PSMA3: variants seen among roughly 807,000 people sequenced by gnomAD.
The protein encoded by PSMA3 is proteasome subunit alpha type-3.
A neutral mutation model predicts 40.0 loss-of-function variants in PSMA3; 8 were observed. The ratio of observed to expected loss-of-function variants is 0.20; its 90% CI spans 0.12 to 0.36. PSMA3 has a LOEUF of 0.36. PSMA3 is among the 10% of genes least tolerant of loss of function. The pLI, the probability that PSMA3 is intolerant of heterozygous loss-of-function variation, is 1.00. For synonymous variants in PSMA3, 110 were observed against 100.0 expected, an observed-to-expected ratio of 1.10 and a Z score of -0.59; for missense variants, 219 against 310.6, an observed-to-expected ratio of 0.70 and a Z score of 2.22.
At chr14:58,248,192 C>CAA (rs1444811782) in intron 2 of PSMA3, among the ~76,000 whole-genome samples, 2 of 152,112 alleles carry the variant, frequency 1.3e-5, no homozygotes, top group Non-Finnish European at 2.9e-5. Flanking sequence ...ATGTCTTATG[C>CAA]AATTAGTCAC....
At chr14:58,250,220 CAAAA>C (rs10634649) in intron 2 of PSMA3, among the ~76,000 whole-genome samples, 5 of 93,046 alleles carry the variant, frequency 5.4e-5, no homozygotes, top group South Asian at 3.9e-4. Flanking sequence ...ACTCCATCTC[CAAAA>C]AAAAAAAAAA....
At chr14:58,262,598 A>T (rs2145599) in intron 6 of PSMA3, among the ~76,000 whole-genome samples, 109,453 of 150,590 alleles carry the variant, frequency 0.73, 40,271 homozygotes, top group Middle Eastern at 0.87. Context: ...AGTCTTGCTC[A>T]GTTGCCCAGG....
At chr14:58,252,823 A>AG (rs1555352184) in intron 3 of PSMA3, among the ~76,000 whole-genome samples, 2 of 150,356 alleles carry the variant, frequency 1.3e-5, no homozygotes, top group Admixed American at 6.6e-5. Context: ...TACTGAAAGA[A>AG]AAAAAAAAAA....
intron 7 of PSMA3, 25 bp from the exon 8 acceptor site, chr14:58,267,449 A>G: frequency 6.6e-7 from 1 of 1,518,564 alleles, no homozygotes; most frequent in Non-Finnish European, 8.8e-7. Flanking sequence ...CTTCTGATGA[A>G]CAGTATACAT....
rs1478240477 is a variant in PSMA3, at chr14:58,271,916, G to A, written c.*21G>A. 1 of 1,539,650 alleles carries A rather than the reference G, an allele frequency of 6.5e-7. No individual in the cohort carries two copies. ...TGTAACATTTACTCCAGCATCTATTGTATTTTAAATTTCTACTCCAGTCCA... is the reference window on the plus strand; with the variant it reads ...TGTAACATTTACTCCAGCATCTATTATATTTTAAATTTCTACTCCAGTCCA... On this transcript the variant is annotated 3_prime_UTR_variant, in exon 11 of 11. Transcript: ENST00000216455.
chr14:58,269,418 C>G (rs1050827793), intron 8 of PSMA3: 5 of 151,864 alleles, frequency 3.3e-5, no homozygotes, highest in African/African-American at 1.2e-4. Flanking sequence ...TAATTGCAAG[C>G]ACATAAATTA....
chr14:58,246,826 T>C (rs1889893300), intron 1 of PSMA3, among the ~76,000 whole-genome samples: 1 of 152,246 alleles, frequency 6.6e-6, no homozygotes, highest in Admixed American at 6.5e-5. Flanking sequence ...TTGTTCTCTC[T>C]ACAGCTTATT....
chr14:58,267,677 GA>G, intron 8 of PSMA3, 157 bp downstream of exon 8: 1 of 1,227,594 alleles, frequency 8.1e-7, no homozygotes, highest in Non-Finnish European at 1.0e-6. Flanking sequence ...CACGAAGGAA[GA>G]AAATGTTTTT....
chr14:58,254,340 A>ATATATATATATATATATGTATG, intron 3 of PSMA3, among the ~76,000 whole-genome samples: 1,432 of 34,800 alleles, frequency 0.041, 275 homozygotes, highest in African/African-American at 0.12. Flanking sequence ...ATGCATATAT[A>ATATATATATATATATATGTATG]TATGTATGTA....
intron 3 of PSMA3, among the ~76,000 whole-genome samples, chr14:58,256,883 C>T (rs1049896577): frequency 1.3e-5 from 2 of 151,286 alleles, no homozygotes; most frequent in African/African-American, 4.9e-5. Flanking sequence ...TTTTGGGAGG[C>T]TGAGGCAGGC....
At chr14:58,271,117 A>T in intron 10 of PSMA3, 119 bp downstream of exon 10, 2 of 556,986 alleles carry the variant, frequency 3.6e-6, no homozygotes, top group East Asian at 3.3e-5. Flanking sequence ...TAAAAAAAAA[A>T]AAATTCTCTA....
chr14:58,261,086 T>G, intron 6 of PSMA3, 66 bp downstream of exon 6: 3 of 1,082,318 alleles, frequency 2.8e-6, no homozygotes, highest in Non-Finnish European at 4.2e-6. Flanking sequence ...CATTTAAGTC[T>G]CATTATAAGA....
intron 2 of PSMA3, among the ~76,000 whole-genome samples, chr14:58,250,991 A>G (rs1035872623): frequency 2.6e-4 from 40 of 152,124 alleles, no homozygotes; most frequent in African/African-American, 9.7e-4. Flanking sequence ...TCCAAAACAG[A>G]GAAGTTGTGC....
At chr14:58,268,049 T>C (rs1278325357) in intron 8 of PSMA3, 1 of 152,216 alleles carries the variant, frequency 6.6e-6, no homozygotes, top group African/African-American at 2.4e-5. Flanking sequence ...TAAGAAACCC[T>C]GAATAGTTTA....
At chr14:58,255,727 CCACTGTG>C (rs1890128819) in intron 3 of PSMA3, among the ~76,000 whole-genome samples, 1 of 152,214 alleles carries the variant, frequency 6.6e-6, no homozygotes, top group African/African-American at 2.4e-5. Context: ...CGCGATTGCA[CCACTGTG>C]CTCTAGCCTG....
intron 7 of PSMA3, 47 bp downstream of exon 7, chr14:58,263,817 G>T: frequency 6.5e-7 from 1 of 1,547,726 alleles, no homozygotes; most frequent in Non-Finnish European, 8.9e-7. Flanking sequence ...TCCTAATGCA[G>T]TGAAATTTTA....
intron 1 of PSMA3, among the ~76,000 whole-genome samples, chr14:58,245,944 C>T (rs889014495): frequency 2.0e-5 from 3 of 152,118 alleles, no homozygotes; most frequent in African/African-American, 7.2e-5. Context: ...AGTAAATGCT[C>T]AATATTAAAT....
intron 6 of PSMA3, 82 bp from the exon 7 acceptor site, chr14:58,263,623 T>G: frequency 9.2e-6 from 10 of 1,085,230 alleles, no homozygotes; most frequent in Non-Finnish European, 1.3e-5. Flanking sequence ...ATCCTTTCAC[T>G]AGGTTATAGA....
Position 58,244,960 on chromosome 14 carries a change from G to A in PSMA3, c.21+19G>A, listed in dbSNP as rs894868879. The stretch of plus-strand genomic sequence containing the variant: ...CACTGGGGTGAGTTCGCTGTCTGTC[G>A]GTGTAATAGTTTAACCTAAGGATTG... On this transcript the variant is annotated intron_variant, in intron 1 of 10. Coordinates refer to ENST00000216455, the MANE Select transcript of PSMA3 (RefSeq NM_002788.4). The A allele has an allele frequency of 1.9e-6, 3 of 1,614,042 alleles. No homozygotes were observed. Among genetic ancestry groups the A allele is most frequent in the African/African-American group, 2.7e-5 (2 of 74,926 alleles).
Sources: allele counts gnomAD v4.1 joint callset (sites outside exome capture counted in the v4.1 genomes callset), GRCh38; gene constraint gnomAD v4.1.1; transcripts MANE v1.5; gene names NCBI Gene and HGNC (gene_info 2026-07-23, HGNC 2026-07-21).